The following SDHAF3 variants were observed in gnomAD, a reference collection of about 807,000 sequenced individuals.
SDHAF3 encodes the protein succinate dehydrogenase complex assembly factor 3, also known as succinate dehydrogenase assembly factor 3, mitochondrial.
SDHAF3 carries 18 observed loss-of-function variants against 11.5 expected under a neutral mutation model. The ratio of observed to expected loss-of-function variants is 1.56; its 90% CI spans 1.08 to 2.32. The LOEUF (loss-of-function observed/expected upper bound fraction) is 2.32, where lower values mean the gene tolerates loss of function less well. Ranked by LOEUF, SDHAF3 falls within the 30% of genes most tolerant of loss-of-function variation. The pLI is 0.00. For synonymous variants in SDHAF3, 72 were observed against 59.3 expected (o/e 1.21, Z -0.99); for missense variants, 200 against 154.4 (o/e 1.30, Z -1.57).
intron 1 of SDHAF3, among the ~76,000 whole-genome samples, chr7:97,152,827 C>T (rs575939377): frequency 3.3e-5 from 5 of 152,128 alleles, no homozygotes; most frequent in Non-Finnish European, 5.9e-5. Flanking sequence ...TTTTTGTAGG[C>T]GTGGTGGTTT....
At chr7:97,138,956 G>A (rs775840752) in intron 1 of SDHAF3, among the ~76,000 whole-genome samples, 3 of 151,940 alleles carry the variant, frequency 2.0e-5, no homozygotes, top group Admixed American at 6.6e-5. Context: ...GCTTGTCACA[G>A]GATCCACACT....
At chr7:97,134,513 C>A (rs913911680) in intron 1 of SDHAF3, among the ~76,000 whole-genome samples, 1 of 152,168 alleles carries the variant, frequency 6.6e-6, no homozygotes, top group Non-Finnish European at 1.5e-5. Context: ...GTGGCATGAT[C>A]TTGGCTCACT....
chr7:97,148,686 C>CT (rs1443896553), intron 1 of SDHAF3, among the ~76,000 whole-genome samples: 1 of 152,158 alleles, frequency 6.6e-6, no homozygotes, highest in Non-Finnish European at 1.5e-5. Context: ...CAGCATTCAA[C>CT]TTTTTTCAAA....
At chr7:97,151,969 T>C (rs909836041) in intron 1 of SDHAF3, among the ~76,000 whole-genome samples, 7 of 152,176 alleles carry the variant, frequency 4.6e-5, no homozygotes, top group African/African-American at 1.7e-4. Context: ...CAATACTACA[T>C]TGACACATTA....
intron 1 of SDHAF3, among the ~76,000 whole-genome samples, chr7:97,161,568 T>G (rs1306762965): frequency 6.6e-6 from 1 of 152,208 alleles, no homozygotes; most frequent in African/African-American, 2.4e-5. Flanking sequence ...TTTCTCCTAA[T>G]GCTATCCCTC....
chr7:97,121,947 T>A (rs1213606203), intron 1 of SDHAF3, among the ~76,000 whole-genome samples: 1 of 148,074 alleles, frequency 6.8e-6, no homozygotes, highest in Admixed American at 6.8e-5. Flanking sequence ...AAACTCCGCC[T>A]CCCAGGTTCA....
intron 1 of SDHAF3, chr7:97,135,605 G>GTGTGTATGTGTC (rs1554351099): frequency 7.1e-6 from 1 of 140,528 alleles, no homozygotes; most frequent in African/African-American, 2.8e-5. Context: ...GTGTGTGTCT[G>GTGTGTATGTGTC]TGTGTGTGTG....
At chr7:97,136,493 T>C (rs948188081) in intron 1 of SDHAF3, 1 of 612,092 alleles carries the variant, frequency 1.6e-6, no homozygotes, top group African/African-American at 1.8e-5. Flanking sequence ...CAGATTATTT[T>C]AGTTCCACTT....
intron 1 of SDHAF3, among the ~76,000 whole-genome samples, chr7:97,179,140 A>G (rs1485932305): frequency 1.3e-5 from 2 of 152,158 alleles, no homozygotes; most frequent in African/African-American, 2.4e-5. Flanking sequence ...TCAAAAATCA[A>G]TTGGCTATAT....
intron 1 of SDHAF3, among the ~76,000 whole-genome samples, chr7:97,160,457 GAAAA>G (rs1789389954): frequency 6.6e-6 from 1 of 151,882 alleles, no homozygotes; most frequent in Admixed American, 6.6e-5. Flanking sequence ...TTGTCAAAAA[GAAAA>G]GGGGGAAATG....
intron 1 of SDHAF3, chr7:97,135,625 T>G (rs1283126392): frequency 8.3e-6 from 1 of 119,816 alleles, no homozygotes; most frequent in African/African-American, 3.2e-5. Flanking sequence ...GTGTGTGAGA[T>G]GTATGTGCGT....
Position 97,117,746 on chromosome 7 carries a change from G to C in SDHAF3, c.23G>C (p.Arg8Pro), listed in dbSNP as rs1791425864. The stretch of plus-strand genomic sequence containing the variant: ...GCTATGCCGGGGCGGCACGTTTCTC[G>C]AGTCCGGGCATTGTACAAGCGCGTC... MPGRHVS[R>P]VRALYKRVLQ... The change falls in exon 1 of 2, where the codon CGA (arginine) becomes CCA (proline). Residue 8 changes from arginine (R) to proline (P), a missense_variant. Physicochemically the swap from Arg to Pro is moderately radical, Grantham distance 103. Coordinates refer to ENST00000432641, the MANE Select transcript of SDHAF3 (RefSeq NM_020186.3). 6.2e-7 allele frequency: 1 copy of C among 1,613,614 alleles called. No individual in the cohort carries two copies.
chr7:97,151,693 G>T (rs918796347), intron 1 of SDHAF3, among the ~76,000 whole-genome samples: 1 of 152,046 alleles, frequency 6.6e-6, no homozygotes, highest in African/African-American at 2.4e-5. Context: ...TAGAGACGGG[G>T]TTTCACAGTG....
intron 1 of SDHAF3, among the ~76,000 whole-genome samples, chr7:97,163,977 C>G (rs905267569): frequency 4.7e-5 from 7 of 148,248 alleles, no homozygotes; most frequent in Non-Finnish European, 1.0e-4. Context: ...GAGACACAGT[C>G]TTGCTCTGTT....
chr7:97,179,401 G>T (rs958651131), intron 1 of SDHAF3, among the ~76,000 whole-genome samples: 4 of 150,674 alleles, frequency 2.7e-5, no homozygotes, highest in Non-Finnish European at 4.4e-5. Flanking sequence ...TAGCTTATTT[G>T]TTGTGACATC....
At chr7:97,170,347 A>G (rs1385194297) in intron 1 of SDHAF3, among the ~76,000 whole-genome samples, 1 of 152,190 alleles carries the variant, frequency 6.6e-6, no homozygotes, top group Non-Finnish European at 1.5e-5. Context: ...ATTCACCTAA[A>G]TGATCAGGAA....
chr7:97,139,534 C>A (rs575074636), intron 1 of SDHAF3, among the ~76,000 whole-genome samples: 46 of 152,298 alleles, frequency 3.0e-4, no homozygotes, highest in African/African-American at 1.1e-3. Flanking sequence ...GAGCACCAGA[C>A]AGGAAGAGAG....
intron 1 of SDHAF3, among the ~76,000 whole-genome samples, chr7:97,131,266 T>C (rs904472803): frequency 2.6e-5 from 4 of 152,256 alleles, no homozygotes; most frequent in African/African-American, 4.8e-5. Flanking sequence ...ATATTTTTCC[T>C]GAGGGAAAAG....
intron 1 of SDHAF3, among the ~76,000 whole-genome samples, chr7:97,131,933 T>A (rs1490668042): frequency 6.6e-6 from 1 of 152,200 alleles, no homozygotes; most frequent in East Asian, 1.9e-4. Flanking sequence ...AGTATGCAGT[T>A]ATTAGAAATG....
Sources: gnomAD v4.1 joint callset for allele counts (sites outside exome capture counted in the v4.1 genomes callset) on GRCh38, gnomAD v4.1.1 for gene constraint, MANE v1.5 for transcripts, NCBI Gene and HGNC (gene_info 2026-07-23, HGNC 2026-07-21) for gene names.